Variants in RTN4 observed in about 807,000 individuals in gnomAD.
RTN4 encodes the protein reticulon 4.
A neutral mutation model predicts 90.4 loss-of-function variants in RTN4; 32 were observed. That is an observed-to-expected ratio of 0.35 (90% CI 0.27 to 0.48). The LOEUF (loss-of-function observed/expected upper bound fraction) is 0.48. RTN4 is among the 20% of genes least tolerant of loss of function. The pLI, the probability that RTN4 is intolerant of heterozygous loss-of-function variation, is 0.99. For missense variants in RTN4, 1,706 were observed against 1,430.2 expected, an observed-to-expected ratio of 1.19 and a Z score of -3.11; for synonymous variants, 629 against 552.5, an observed-to-expected ratio of 1.14 and a Z score of -1.94.
At chr2:55,125,503 C>T in the RTN4 span, among the ~76,000 whole-genome samples, 155 of 152,212 alleles carry the variant, frequency 1.0e-3, 2 homozygotes, top group Non-Finnish European at 4.0e-4. Flanking sequence ...CGGTGGCTCA[C>T]GCCCATAATC....
chr2:55,040,105 T>C (rs1486933532), intron 1 of RTN4, among the ~76,000 whole-genome samples: 3 of 152,198 alleles, frequency 2.0e-5, no homozygotes, highest in African/African-American at 7.2e-5. Context: ...GCAGTACATA[T>C]AGCCTATAAA....
At chr2:55,111,233 G>C (rs912821955) in intron 1 of RTN4, among the ~76,000 whole-genome samples, 1 of 151,632 alleles carries the variant, frequency 6.6e-6, no homozygotes, top group Non-Finnish European at 1.5e-5. Flanking sequence ...TGGAATACTT[G>C]CATGAAAAAA....
At chr2:55,090,420 G>A (rs947414627) in intron 1 of RTN4, among the ~76,000 whole-genome samples, 6 of 152,176 alleles carry the variant, frequency 3.9e-5, no homozygotes, top group South Asian at 4.1e-4. Context: ...TCTTGACTGC[G>A]TATGGACATA....
chr2:55,129,577 G>GC, the RTN4 span, among the ~76,000 whole-genome samples: 7 of 149,920 alleles, frequency 4.7e-5, no homozygotes, highest in African/African-American at 9.8e-5. Context: ...AAGCAAGACT[G>GC]TTTTTTTTTT....
At position 54,991,722 on chromosome 2, in the gene RTN4, G is replaced by C. The variant is rs542831019; in HGVS notation, c.3014-4024C>G. 4.6e-5 allele frequency among the ~76,000 whole-genome samples: 7 copies of C among 152,246 alleles called. No homozygotes were observed. In the South Asian group the frequency reaches 1.0e-3, roughly 23 times the overall value. ...AATATTTCCTTCCTTTTTAGATCTA[G>C]ATTTTTTTGGGGAGAAGGAAGCTTA... On this transcript the variant is annotated intron_variant, in intron 3 of 8. Transcript: ENST00000337526.
At position 55,026,749 on chromosome 2, in the gene RTN4, C is replaced by A. The variant is rs368773344; in HGVS notation, c.1350G>T (p.Thr450=). 6.2e-7 allele frequency: 1 copy of A among 1,613,834 alleles called. No individual in the cohort carries two copies. Among genetic ancestry groups the A allele is most frequent in the Non-Finnish European group, 8.5e-7 (1 of 1,179,856 alleles). ...CTGAACGATCCTTTATACCTTCTGG[C>A]GTACTGGGGAAAGAAGTATCATCAT... ...SSNDDTSFPS[T]PEGIKDRSGA... Residue 450 remains threonine (T), a synonymous_variant, in exon 3 of 9, where the codon ACG becomes ACT. Transcript: ENST00000337526.
rs1364675662 is a variant in RTN4 at position 55,013,612 on chromosome 2, G to C, written c.3013+11474C>G. On this transcript the variant is annotated intron_variant, in intron 3 of 8. Transcript: ENST00000337526. ...GTTTTTTGGTGGGTTTTTTTTTGGG[G>C]GGGGGGGAGGGTGTAGGGGGGGTGG... Among the ~76,000 whole-genome samples, 84 of 126,362 alleles carry C rather than the reference G, an allele frequency of 6.6e-4. 2 individuals are homozygous for C. The highest frequency in any genetic ancestry group is 1.5e-3 in the Admixed American group (18 of 12,242). The allele number at this position is 126,362 out of a possible 152,430, so 82.9% of individuals were successfully genotyped here.
intron 3 of RTN4, among the ~76,000 whole-genome samples, chr2:55,018,323 A>C (rs1206820107): frequency 6.6e-6 from 1 of 152,192 alleles, no homozygotes; most frequent in Non-Finnish European, 1.5e-5. Flanking sequence ...AAACTGGGAG[A>C]AAGAAAATCT....
intron 3 of RTN4, among the ~76,000 whole-genome samples, chr2:54,994,832 C>G (rs1253086478): frequency 2.6e-5 from 4 of 152,226 alleles, no homozygotes; most frequent in Admixed American, 6.5e-5. Flanking sequence ...GGATAGCTTT[C>G]TGGAAACTGC....
intron 2 of RTN4, among the ~76,000 whole-genome samples, chr2:55,066,862 T>C (rs1200463099): frequency 6.6e-6 from 1 of 152,160 alleles, no homozygotes; most frequent in African/African-American, 2.4e-5. Flanking sequence ...TTCAATGTCA[T>C]ACAATGAACA....
At chr2:55,128,810 A>G in the RTN4 span, among the ~76,000 whole-genome samples, 58,545 of 151,538 alleles carry the variant, frequency 0.39, 12,347 homozygotes, top group East Asian at 0.79. Context: ...AAAAAAAAAA[A>G]GGGGTGGGAG....
intron 3 of RTN4, among the ~76,000 whole-genome samples, chr2:54,995,714 T>C (rs1305141127): frequency 6.6e-6 from 1 of 151,996 alleles, no homozygotes; most frequent in African/African-American, 2.4e-5. Context: ...GGCACACTCA[T>C]ACACACACCC....
At chr2:55,013,634 G>A (rs1680814810) in intron 3 of RTN4, among the ~76,000 whole-genome samples, 1 of 115,810 alleles carries the variant, frequency 8.6e-6, no homozygotes, top group African/African-American at 3.3e-5. Context: ...TGTAGGGGGG[G>A]TGGTATCTAA....
chr2:55,001,794 T>C (rs1328160723), intron 3 of RTN4, among the ~76,000 whole-genome samples: 1 of 152,146 alleles, frequency 6.6e-6, no homozygotes, highest in Non-Finnish European at 1.5e-5. Context: ...TGAACATTTT[T>C]TGTAAAGGGA....
At chr2:55,008,255 A>G (rs767730687) in intron 3 of RTN4, among the ~76,000 whole-genome samples, 5 of 151,872 alleles carry the variant, frequency 3.3e-5, no homozygotes, top group African/African-American at 4.8e-5. Flanking sequence ...GGGAGAATGC[A>G]GTAGAAAAAT....
chr2:55,135,014 A>G, the RTN4 span, among the ~76,000 whole-genome samples: 2 of 152,160 alleles, frequency 1.3e-5, no homozygotes, highest in Non-Finnish European at 1.5e-5. Flanking sequence ...CACACCTACA[A>G]TTCCATTTGG....
chr2:54,986,299 G>C (rs1055738797), intron 4 of RTN4, among the ~76,000 whole-genome samples: 3 of 152,204 alleles, frequency 2.0e-5, no homozygotes, highest in Non-Finnish European at 2.9e-5. Context: ...AGTCAATGTA[G>C]TAACAAATGG....
At chr2:55,051,954 T>A (rs1668100680), upstream of RTN4, among the ~76,000 whole-genome samples, 1 of 152,220 alleles carries the variant, frequency 6.6e-6, no homozygotes, top group South Asian at 2.1e-4. Flanking sequence ...GATTAATAAT[T>A]AAGAAAGTTT....
At chr2:55,036,649 T>A (rs977847724) in intron 1 of RTN4, among the ~76,000 whole-genome samples, 6 of 150,880 alleles carry the variant, frequency 4.0e-5, no homozygotes, top group African/African-American at 9.7e-5. Flanking sequence ...AAAGTTTTTT[T>A]AAATCATATA....
Sources: gnomAD v4.1 joint callset for allele counts (sites outside exome capture counted in the v4.1 genomes callset) on GRCh38, gnomAD v4.1.1 for gene constraint, MANE v1.5 for transcripts, NCBI Gene and HGNC (gene_info 2026-07-23, HGNC 2026-07-21) for gene names.